The following SIM1 variants were observed in gnomAD, a reference collection of about 807,000 sequenced individuals.
The protein encoded by SIM1 is SIM bHLH transcription factor 1.
In SIM1, 18 loss-of-function variants were observed where a neutral mutation model predicts 78.2. That is an observed-to-expected ratio of 0.23 (90% CI 0.16 to 0.34). The LOEUF is 0.34. Ranked by LOEUF, SIM1 falls within the 10% of genes least tolerant of loss-of-function variation. The probability of loss-of-function intolerance (pLI) is 1.00; values close to 1 mark genes in which losing one functional copy is unlikely to be tolerated. For synonymous variants in SIM1, 417 were observed against 385.2 expected (o/e 1.08, Z -0.97); for missense variants, 939 against 975.1 (o/e 0.96, Z 0.49).
At chr6:100,409,982 G>A (rs1178091680) in intron 10 of SIM1, among the ~76,000 whole-genome samples, 2 of 152,124 alleles carry the variant, frequency 1.3e-5, no homozygotes, top group Non-Finnish European at 2.9e-5. Context: ...ATGAGCTTGA[G>A]AAAAATGTAT....
intron 9 of SIM1, among the ~76,000 whole-genome samples, chr6:100,432,846 G>A (rs1218574941): frequency 1.3e-5 from 2 of 152,016 alleles, no homozygotes; most frequent in African/African-American, 4.8e-5. Context: ...GACGAATGAC[G>A]GGCATCTTGA....
rs371913972 is a variant in SIM1, at chr6:100,463,277, T to C, written c.175+17A>G. 43 of 1,590,914 alleles carry C rather than the reference T, an allele frequency of 2.7e-5. No homozygotes were observed. In the African/African-American group the frequency reaches 3.3e-4, roughly 12 times the overall value. On this transcript the variant is annotated intron_variant, in intron 2 of 11. Transcript: ENST00000369208. ...CCCCTTCTGCCTTTGAAATTCCATC[T>C]GGGCAAAGTCACTTACCTTCTGGGA...
chr6:100,459,624 A>T (rs1262740510), intron 2 of SIM1, among the ~76,000 whole-genome samples: 1 of 152,200 alleles, frequency 6.6e-6, no homozygotes, highest in African/African-American at 2.4e-5. Context: ...TATAGAAACC[A>T]TCTGTGGAAG....
At position 100,390,038 on chromosome 6, in the gene SIM1, G is replaced by A; in HGVS notation, c.*323C>T. On this transcript the variant is annotated 3_prime_UTR_variant, in exon 12 of 12. Transcript: ENST00000369208. The stretch of plus-strand genomic sequence containing the variant: ...TTGAGGATCACTGGATAGTCACAAT[G>A]CAATGTTGTCATTCATCAGTCCTCT... The A allele has an allele frequency of 2.4e-6, 1 of 411,492 alleles. No homozygotes were observed. Among genetic ancestry groups the A allele is most frequent in the Non-Finnish European group, 4.3e-6 (1 of 233,008 alleles). The allele number at this position is 411,492 out of a possible 1,614,324, so 25.5% of individuals were successfully genotyped here.
chr6:100,394,441 T>C (rs1258304584), intron 10 of SIM1, among the ~76,000 whole-genome samples: 1 of 152,194 alleles, frequency 6.6e-6, no homozygotes, highest in Non-Finnish European at 1.5e-5. Context: ...GGTCTGGCCC[T>C]GTCCCCCAGG....
intron 10 of SIM1, among the ~76,000 whole-genome samples, chr6:100,413,598 A>T (rs1252620159): frequency 1.3e-5 from 2 of 152,138 alleles, no homozygotes; most frequent in African/African-American, 4.8e-5. Context: ...TTAAATTCTC[A>T]CTATTAGGAA....
In SIM1 at chr6:100,449,390, G is replaced by A. The variant is rs775202739; in HGVS notation, c.516C>T (p.Asn172=). Reference sequence around the variant, plus strand: ...TGTAGCCGCCACAGGTGAGGCCGGCGTTACGCTTGGCCAAGACGCACTTCA... The same window carrying A: ...TGTAGCCGCCACAGGTGAGGCCGGCATTACGCTTGGCCAAGACGCACTTCA... ...LRMKCVLAKR[N]AGLTCGGYKV... Residue 172 remains asparagine, a synonymous_variant, in exon 6 of 12, where the codon AAC becomes AAT. Transcript: ENST00000369208. The A allele has an allele frequency of 1.9e-5, 30 of 1,613,876 alleles. No homozygotes were observed. Among genetic ancestry groups the A allele is most frequent in the Middle Eastern group, 1.6e-4 (1 of 6,084 alleles).
intron 10 of SIM1, among the ~76,000 whole-genome samples, chr6:100,406,562 G>A (rs1411782041): frequency 5.3e-5 from 8 of 152,134 alleles, no homozygotes; most frequent in African/African-American, 1.7e-4. Context: ...CCACCAAGTT[G>A]AGCAACTGTG....
rs1370622311 is a variant in SIM1, at chr6:100,447,255, G to T, written c.998+13C>A. On this transcript the variant is annotated intron_variant, in intron 9 of 11. Coordinates refer to ENST00000369208, the MANE Select transcript of SIM1 (RefSeq NM_005068.3). ...GCCTGGGGTGGGTGAAGGGGTCTCA[G>T]TCTTGCACTCACGTGAGGACATAGT... 1 of 1,613,898 alleles carries T rather than the reference G, an allele frequency of 6.2e-7. No individual in the cohort carries two copies. Among genetic ancestry groups the T allele is most frequent in the Non-Finnish European group, 8.5e-7 (1 of 1,179,826 alleles).
chr6:100,403,975 C>G (rs191650847), intron 10 of SIM1, among the ~76,000 whole-genome samples: 1 of 152,132 alleles, frequency 6.6e-6, no homozygotes, highest in African/African-American at 2.4e-5. Context: ...TTTTCACTGT[C>G]CCATACTTCA....
chr6:100,426,756 C>T (rs1771742449), intron 9 of SIM1, among the ~76,000 whole-genome samples: 1 of 152,154 alleles, frequency 6.6e-6, no homozygotes, highest in African/African-American at 2.4e-5. Context: ...TTCCACCCCA[C>T]CATATTCCAC....
intron 10 of SIM1, among the ~76,000 whole-genome samples, chr6:100,416,915 A>C (rs1267675490): frequency 6.6e-6 from 1 of 151,846 alleles, no homozygotes; most frequent in African/African-American, 2.4e-5. Context: ...TGTCCCCTAA[A>C]TAGTTTTCCT....
Position 100,393,673 on chromosome 6 carries a change from A to C in SIM1, c.1384T>G (p.Phe462Val). ...CCTCCTTCACAGGCCTGGGTATGGAAATGCCTCTCTTCCACCAGCCTCGAG... is the reference window on the plus strand; with the variant it reads ...CCTCCTTCACAGGCCTGGGTATGGACATGCCTCTCTTCCACCAGCCTCGAG... ...DHSRLVEERH[F>V]HTQACEGGRC... The change falls in exon 11 of 12, where the codon TTC becomes GTC. Residue 462 changes from phenylalanine (F) to valine (V), a missense_variant. By Grantham distance (50) the Phe-to-Val change is conservative. Around this residue, in one of 5 missense-constraint regions of SIM1, gnomAD observed 556 missense variants for 521.9 expected, o/e 1.07. Coordinates refer to ENST00000369208, the MANE Select transcript of SIM1 (RefSeq NM_005068.3). 6.2e-7 allele frequency: 1 copy of C among 1,614,006 alleles called. No homozygotes were observed. The highest frequency in any genetic ancestry group is 8.5e-7 in the Non-Finnish European group (1 of 1,179,878).
At chr6:100,404,155 A>AC (rs1770996938) in intron 10 of SIM1, among the ~76,000 whole-genome samples, 1 of 152,168 alleles carries the variant, frequency 6.6e-6, no homozygotes, top group African/African-American at 2.4e-5. Context: ...ACAGTCTCAT[A>AC]CCACAAGTAC....
intron 10 of SIM1, among the ~76,000 whole-genome samples, chr6:100,407,489 T>C (rs1193182769): frequency 6.6e-6 from 1 of 152,112 alleles, no homozygotes; most frequent in East Asian, 1.9e-4. Flanking sequence ...TGCTGAATCA[T>C]ATCATAGTTC....
chr6:100,448,131 A>C lies in SIM1; in HGVS notation c.850+15T>G. On this transcript the variant is annotated intron_variant, in intron 8 of 11. Transcript: ENST00000369208. ...CGCCAAGGTTGCTAGGGTACGGGGC[A>C]GGGTGGCGCCTTACGCAAATGGTGC... The C allele has an allele frequency of 6.2e-7, 1 of 1,601,778 alleles. No individual in the cohort carries two copies. The highest frequency in any genetic ancestry group is 8.5e-7 in the Non-Finnish European group (1 of 1,172,210).
chr6:100,405,167 C>T (rs957174415), intron 10 of SIM1, among the ~76,000 whole-genome samples: 4 of 151,578 alleles, frequency 2.6e-5, no homozygotes, highest in African/African-American at 9.7e-5. Context: ...GAAAAGAACC[C>T]TCCTGAGATA....
chr6:100,419,741 AAGCCATTCTCCAGTCTC>A (rs1407543566), intron 10 of SIM1, among the ~76,000 whole-genome samples: 2 of 152,172 alleles, frequency 1.3e-5, no homozygotes, highest in Non-Finnish European at 2.9e-5. Flanking sequence ...GCCCAGGTTC[AAGCCATTCTCCAGTCTC>A]AGCCTCCTGA....
chr6:100,393,501 A>G lies in SIM1; in HGVS notation c.1556T>C (p.Val519Ala), dbSNP rs778378914. 16 of 1,543,090 alleles carry G rather than the reference A, an allele frequency of 1.0e-5. No individual in the cohort carries two copies. In the Admixed American group the frequency reaches 3.1e-4, roughly 30 times the overall value. The change falls in exon 11 of 12, where the codon GTC becomes GCC. Residue 519 changes from valine (V) to alanine (A), a missense_variant. This residue lies in a region of SIM1 where 556 missense variants were observed against 521.9 expected (regional missense o/e 1.07). Transcript: ENST00000369208. Reference protein sequence around the residue: ...YENSMPHIASVHRIHGRGHWD... With the variant: ...YENSMPHIASAHRIHGRGHWD... ...CCTGCTCTTACCATGGATCCTGTGG[A>G]CTGAAGCGATGTGAGGCATGCTGTT...
Sources: gnomAD v4.1 joint callset for allele counts (sites outside exome capture counted in the v4.1 genomes callset) on GRCh38, gnomAD v4.1.1 for gene constraint, gnomAD v4.1.1 regional missense constraint, MANE v1.5 for transcripts, NCBI Gene and HGNC (gene_info 2026-07-23, HGNC 2026-07-21) for gene names.